ZMIZ1: variants seen among roughly 807,000 people sequenced by gnomAD.
The protein encoded by ZMIZ1 is zinc finger MIZ-type containing 1.
Under a neutral mutation model 113.9 loss-of-function variants are expected in ZMIZ1, and 17 were observed. That is an observed-to-expected ratio of 0.15 (90% CI 0.10 to 0.22). The LOEUF (loss-of-function observed/expected upper bound fraction) is 0.22. Ranked by LOEUF, ZMIZ1 falls within the 10% of genes least tolerant of loss-of-function variation. ZMIZ1 has a pLI of 1.00. For synonymous variants in ZMIZ1, 607 were observed against 603.1 expected, an observed-to-expected ratio of 1.01 and a Z score of -0.09; for missense variants, 1,059 against 1,477.8, an observed-to-expected ratio of 0.72 and a Z score of 4.65.
At chr10:79,311,949 T>G (rs1364944870) in intron 24 of ZMIZ1, among the ~76,000 whole-genome samples, 3 of 152,220 alleles carry the variant, frequency 2.0e-5, no homozygotes, top group African/African-American at 4.8e-5. Flanking sequence ...TGTCAGCCTC[T>G]GCCCTGCAGC....
chr10:79,202,890 A>T (rs1759237492), intron 5 of ZMIZ1, among the ~76,000 whole-genome samples: 1 of 152,190 alleles, frequency 6.6e-6, no homozygotes, highest in Non-Finnish European at 1.5e-5. Context: ...CCATGGTGAG[A>T]TCTCAAGCTA....
intron 3 of ZMIZ1, among the ~76,000 whole-genome samples, chr10:79,155,548 G>A (rs773393261): frequency 4.6e-5 from 7 of 152,234 alleles, no homozygotes; most frequent in African/African-American, 1.7e-4. Context: ...GACAAGCCAC[G>A]CATGTGCACC....
At chr10:79,102,303 G>A (rs987758803) in intron 1 of ZMIZ1, among the ~76,000 whole-genome samples, 4 of 152,236 alleles carry the variant, frequency 2.6e-5, no homozygotes, top group Non-Finnish European at 4.4e-5. Context: ...GTATAAACAC[G>A]GTTATTTTTA....
chr10:79,239,223 G>C (rs1411704175), intron 7 of ZMIZ1, among the ~76,000 whole-genome samples: 1 of 152,196 alleles, frequency 6.6e-6, no homozygotes, highest in East Asian at 1.9e-4. Flanking sequence ...CATGCCCCAG[G>C]GCTGCTGTTT....
intron 3 of ZMIZ1, among the ~76,000 whole-genome samples, chr10:79,147,960 G>T (rs190476396): frequency 6.6e-6 from 1 of 152,222 alleles, no homozygotes; most frequent in Non-Finnish European, 1.5e-5. Context: ...CAGCTGCAGA[G>T]TGGGGCCTCC....
At chr10:79,217,638 T>C (rs1242782754) in intron 7 of ZMIZ1, among the ~76,000 whole-genome samples, 1 of 152,230 alleles carries the variant, frequency 6.6e-6, no homozygotes, top group Non-Finnish European at 1.5e-5. Flanking sequence ...TGTAAGGACA[T>C]CTCATGATGT....
At chr10:79,219,490 G>A (rs1848875710) in intron 7 of ZMIZ1, among the ~76,000 whole-genome samples, 1 of 152,182 alleles carries the variant, frequency 6.6e-6, no homozygotes, top group South Asian at 2.1e-4. Flanking sequence ...TGCAGGCCCA[G>A]GGCTCTGCCT....
Position 79,313,875 on chromosome 10 carries a change from C to CG in ZMIZ1, c.*1130dup. ...TGGCAAGGGCAGTGCGTGGAAAGGC[C>CG]GGGGAGGTGCAGAAACCAGAGCCCA... On this transcript the variant is annotated 3_prime_UTR_variant, in exon 25 of 25. Transcript: ENST00000334512. 5.4e-6 allele frequency: 2 copies of CG among 371,014 alleles called. No homozygotes were observed. The highest frequency in any genetic ancestry group is 6.6e-5 in the Admixed American group (2 of 30,336). The allele number at this position is 371,014 out of a possible 1,614,324, so 23.0% of individuals were successfully genotyped here. A position where few individuals can be genotyped will look rare whatever the true frequency, so the allele number is the denominator to read the frequency against.
At chr10:79,196,361 G>A (rs1847832351) in intron 4 of ZMIZ1, among the ~76,000 whole-genome samples, 1 of 152,238 alleles carries the variant, frequency 6.6e-6, no homozygotes, top group South Asian at 2.1e-4. Flanking sequence ...CTGCCTGGGA[G>A]CAAAGCCCCC....
At chr10:79,208,674 G>T (rs569371719) in intron 6 of ZMIZ1, among the ~76,000 whole-genome samples, 2 of 152,350 alleles carry the variant, frequency 1.3e-5, no homozygotes, top group East Asian at 3.9e-4. Context: ...TAGGGATTGT[G>T]TGGGTTCCCA....
chr10:79,171,327 T>C (rs1460926896), intron 4 of ZMIZ1, among the ~76,000 whole-genome samples: 18 of 152,200 alleles, frequency 1.2e-4, no homozygotes, highest in Admixed American at 1.2e-3. Flanking sequence ...GGCCTAGAAC[T>C]TAGGGACTGG....
At chr10:79,071,876 C>T (rs1842296768) in intron 1 of ZMIZ1, among the ~76,000 whole-genome samples, 2 of 151,532 alleles carry the variant, frequency 1.3e-5, no homozygotes, top group East Asian at 3.9e-4. Flanking sequence ...ACAGAAGCGT[C>T]TCCTTGTCCC....
intron 7 of ZMIZ1, among the ~76,000 whole-genome samples, chr10:79,269,599 T>C (rs1022857862): frequency 8.1e-4 from 124 of 152,214 alleles, no homozygotes; most frequent in African/African-American, 3.0e-3. Context: ...TCGATGACTC[T>C]CCCGCCCAGC....
intron 4 of ZMIZ1, among the ~76,000 whole-genome samples, chr10:79,198,214 A>T (rs1023280956): frequency 6.6e-6 from 1 of 152,038 alleles, no homozygotes; most frequent in African/African-American, 2.4e-5. Context: ...AGTGGAGATC[A>T]CGCCACTGCA....
At chr10:79,268,731 T>A (rs1851752556) in intron 7 of ZMIZ1, among the ~76,000 whole-genome samples, 1 of 152,184 alleles carries the variant, frequency 6.6e-6, no homozygotes, top group Non-Finnish European at 1.5e-5. Context: ...GCAACTGCCA[T>A]CTACCAGGCC....
rs115197876 is a variant in ZMIZ1, at chr10:79,186,600, A to G, written c.-49-14984A>G. Among the ~76,000 whole-genome samples the G allele has an allele frequency of 4.5e-3, 688 of 152,380 alleles. 5 individuals carry two copies. Among genetic ancestry groups the G allele is most frequent in the African/African-American group, 0.016 (660 of 41,596 alleles). ...TTACACAGCACATAATTAACTTTGTAATTAATATGCAACTGCCACTTAAGC... is the reference window on the plus strand; with the variant it reads ...TTACACAGCACATAATTAACTTTGTGATTAATATGCAACTGCCACTTAAGC... On this transcript the variant is annotated intron_variant, in intron 4 of 24. Coordinates refer to ENST00000334512, the MANE Select transcript of ZMIZ1 (RefSeq NM_020338.4).
intron 1 of ZMIZ1, among the ~76,000 whole-genome samples, chr10:79,115,777 A>G (rs1843993819): frequency 6.6e-6 from 1 of 152,250 alleles, no homozygotes; most frequent in Non-Finnish European, 1.5e-5. Context: ...TTTAGGGATC[A>G]GCTGAGGCCC....
chr10:79,290,446 C>T (rs961263084), intron 9 of ZMIZ1, among the ~76,000 whole-genome samples: 1 of 152,208 alleles, frequency 6.6e-6, no homozygotes, highest in Non-Finnish European at 1.5e-5. Context: ...GCTTGTCACC[C>T]TGGAGGGAGC....
At chr10:79,119,920 T>C (rs1369084234) in intron 2 of ZMIZ1, among the ~76,000 whole-genome samples, 3 of 152,202 alleles carry the variant, frequency 2.0e-5, no homozygotes, top group South Asian at 4.1e-4. Context: ...GTGTGCCAAC[T>C]CCTGGATTAG....
Sources: gnomAD v4.1 joint callset for allele counts (sites outside exome capture counted in the v4.1 genomes callset) on GRCh38, gnomAD v4.1.1 for gene constraint, MANE v1.5 for transcripts, NCBI Gene and HGNC (gene_info 2026-07-23, HGNC 2026-07-21) for gene names.